CEP128: variants seen among roughly 807,000 people sequenced by gnomAD.
CEP128 encodes the protein centrosomal protein 128.
In CEP128, 132 loss-of-function variants were observed where a neutral mutation model predicts 156.7. That is an observed-to-expected ratio of 0.84 (90% CI 0.73 to 0.97). The LOEUF is 0.97. Among genes scored for constraint, CEP128 ranks in the 50% least tolerant of loss-of-function variants. CEP128 has a pLI of 0.00. For synonymous variants in CEP128, 469 were observed against 448.9 expected (o/e 1.04, Z -0.57); for missense variants, 1,252 against 1,281.9 (o/e 0.98, Z 0.36).
intron 19 of CEP128, among the ~76,000 whole-genome samples, chr14:80,606,045 T>C (rs1436838293): frequency 6.6e-6 from 1 of 152,022 alleles, no homozygotes; most frequent in Non-Finnish European, 1.5e-5. Flanking sequence ...TCTTTGGTGT[T>C]ATGTTCCAAT....
At chr14:80,681,042 TA>T (rs1485471771) in intron 19 of CEP128, among the ~76,000 whole-genome samples, 1 of 151,630 alleles carries the variant, frequency 6.6e-6, no homozygotes, top group Non-Finnish European at 1.5e-5. Context: ...ATGCTGGCTA[TA>T]GTCGGCTCTT....
intron 13 of CEP128, among the ~76,000 whole-genome samples, chr14:80,816,293 G>A (rs1339669186): frequency 1.3e-5 from 2 of 152,050 alleles, no homozygotes; most frequent in Admixed American, 6.6e-5. Flanking sequence ...TCAGTATAGG[G>A]CTACAGATTC....
chr14:80,800,732 G>A (rs1405015437), intron 13 of CEP128, among the ~76,000 whole-genome samples: 7 of 144,412 alleles, frequency 4.8e-5, no homozygotes, highest in East Asian at 1.9e-4. Context: ...ACCAGGCATC[G>A]ACTAGTTATT....
intron 19 of CEP128, among the ~76,000 whole-genome samples, chr14:80,610,480 C>A (rs1892952500): frequency 6.6e-6 from 1 of 152,004 alleles, no homozygotes; most frequent in South Asian, 2.1e-4. Context: ...AATATTGAAC[C>A]TTAAATATTA....
At chr14:80,584,141 ATTT>A (rs992004088) in intron 19 of CEP128, among the ~76,000 whole-genome samples, 4 of 117,368 alleles carry the variant, frequency 3.4e-5, no homozygotes, top group East Asian at 5.3e-4. Context: ...CGTCCGTGAC[ATTT>A]TTTTTTTTTT....
At chr14:80,548,484 AG>A (rs1395343294) in intron 21 of CEP128, among the ~76,000 whole-genome samples, 1 of 152,194 alleles carries the variant, frequency 6.6e-6, no homozygotes, top group Non-Finnish European at 1.5e-5. Context: ...GATCTTAAAA[AG>A]ATATCAAATA....
chr14:80,865,584 T>A (rs1261152971), intron 8 of CEP128, among the ~76,000 whole-genome samples: 1 of 152,192 alleles, frequency 6.6e-6, no homozygotes, highest in East Asian at 1.9e-4. Context: ...CCTCTACCCT[T>A]GAGTGTAGGC....
intron 19 of CEP128, among the ~76,000 whole-genome samples, chr14:80,629,129 C>T (rs181759845): frequency 6.3e-4 from 90 of 143,084 alleles, no homozygotes; most frequent in African/African-American, 2.3e-3. Flanking sequence ...CTACAATTCA[C>T]TACTTTCTTT....
At chr14:80,503,279 A>T (rs1307244790) in intron 24 of CEP128, among the ~76,000 whole-genome samples, 1 of 152,128 alleles carries the variant, frequency 6.6e-6, no homozygotes, top group Non-Finnish European at 1.5e-5. Context: ...TTCCTATTTA[A>T]CTTTATTTCC....
chr14:80,553,568 C>T (rs1890303420), intron 21 of CEP128, among the ~76,000 whole-genome samples: 1 of 152,162 alleles, frequency 6.6e-6, no homozygotes, highest in Admixed American at 6.5e-5. Flanking sequence ...CATTTTGATA[C>T]ATGTTTAAGA....
intron 23 of CEP128, among the ~76,000 whole-genome samples, chr14:80,505,300 A>G (rs1887922756): frequency 6.6e-6 from 1 of 152,202 alleles, no homozygotes; most frequent in Non-Finnish European, 1.5e-5. Context: ...ACTTAAACTT[A>G]TGCTATAAAC....
At chr14:80,712,065 A>C (rs965513442) in intron 19 of CEP128, among the ~76,000 whole-genome samples, 1 of 152,174 alleles carries the variant, frequency 6.6e-6, no homozygotes, top group African/African-American at 2.4e-5. Context: ...ATCATAATTT[A>C]ATAATTATCT....
At chr14:80,597,800 CA>C (rs1277985580) in intron 19 of CEP128, among the ~76,000 whole-genome samples, 3 of 151,546 alleles carry the variant, frequency 2.0e-5, no homozygotes, top group Non-Finnish European at 4.4e-5. Context: ...ATTTGAAAAT[CA>C]ATGTAATCCA....
intron 19 of CEP128, among the ~76,000 whole-genome samples, chr14:80,729,057 GGGTGTGTGTGTGTGTGTGTGTGTGTGTGT>G (rs1566880950): frequency 9.8e-6 from 1 of 102,144 alleles, no homozygotes; most frequent in Non-Finnish European, 1.7e-5. Flanking sequence ...GGGCTGGTGG[GGGTGTGTGTGTGTGTGTGTGTGTGTGTGT>G]GTGTGTGTGT....
intron 14 of CEP128, among the ~76,000 whole-genome samples, chr14:80,785,962 G>C (rs1223218227): frequency 6.6e-6 from 1 of 152,046 alleles, no homozygotes; most frequent in Non-Finnish European, 1.5e-5. Flanking sequence ...TTAAAAAGGA[G>C]AAACCCCAAA....
intron 2 of CEP128, among the ~76,000 whole-genome samples, chr14:80,923,283 A>G (rs538757491): frequency 6.6e-6 from 1 of 152,326 alleles, no homozygotes; most frequent in South Asian, 2.1e-4. Flanking sequence ...ACAAATGCCC[A>G]TATGCAAACT....
chr14:80,720,048 A>T (rs1897756407), intron 19 of CEP128, among the ~76,000 whole-genome samples: 1 of 152,180 alleles, frequency 6.6e-6, no homozygotes, highest in Non-Finnish European at 1.5e-5. Flanking sequence ...CGAGGAGGTG[A>T]CATTTCAACT....
At chr14:80,660,858 G>A in intron 19 of CEP128, among the ~76,000 whole-genome samples, 1 of 151,928 alleles carries the variant, frequency 6.6e-6, no homozygotes, top group Admixed American at 6.6e-5. Context: ...CATACACCCT[G>A]AGACATTCAG....
At chr14:80,673,120 AGGACCATTAGTAACAATAAC>A (rs1895910151) in intron 19 of CEP128, among the ~76,000 whole-genome samples, 1 of 152,214 alleles carries the variant, frequency 6.6e-6, no homozygotes, top group East Asian at 1.9e-4. Context: ...AATGTATTTT[AGGACCATTAGTAACAATAAC>A]AGGAAAATTT....
Sources: allele counts gnomAD v4.1 joint callset (sites outside exome capture counted in the v4.1 genomes callset), GRCh38; gene constraint gnomAD v4.1.1; transcripts MANE v1.5; gene names NCBI Gene and HGNC (gene_info 2026-07-23, HGNC 2026-07-21).